Variants in ABCA13 observed in about 807,000 individuals in gnomAD.
The protein encoded by ABCA13 is ATP binding cassette subfamily A member 13.
ABCA13 carries 476 observed loss-of-function variants against 478.7 expected under a neutral mutation model. The observed-to-expected ratio is 0.99, with a 90% confidence interval of 0.92 to 1.07. The LOEUF is 1.07. ABCA13 is among the 50% of genes least tolerant of loss of function. The pLI is 0.00. For missense variants in ABCA13, 6,060 were observed against 5,910.6 expected, an observed-to-expected ratio of 1.03 and a Z score of -0.83; for synonymous variants, 2,252 against 2,158.9, an observed-to-expected ratio of 1.04 and a Z score of -1.20.
intron 3 of ABCA13, among the ~76,000 whole-genome samples, chr7:48,217,237 G>A (rs1786620583): frequency 6.6e-6 from 1 of 152,216 alleles, no homozygotes; most frequent in Admixed American, 6.5e-5. Flanking sequence ...AATGGGAGCA[G>A]TAATGTGAGT....
intron 42 of ABCA13, among the ~76,000 whole-genome samples, chr7:48,451,721 G>A (rs1475622360): frequency 2.0e-5 from 3 of 152,158 alleles, no homozygotes; most frequent in Non-Finnish European, 4.4e-5. Context: ...GATGAACTGG[G>A]TAGTGTGGAG....
intron 15 of ABCA13, among the ~76,000 whole-genome samples, chr7:48,263,037 G>T (rs779409356): frequency 3.3e-5 from 5 of 151,878 alleles, no homozygotes; most frequent in Non-Finnish European, 5.9e-5. Flanking sequence ...TCTTTTGCTT[G>T]TGTTGCATGT....
chr7:48,306,347 T>A (rs766273917), intron 23 of ABCA13, among the ~76,000 whole-genome samples: 2 of 152,194 alleles, frequency 1.3e-5, no homozygotes, highest in Non-Finnish European at 2.9e-5. Flanking sequence ...AGAAAGTAAT[T>A]AATACAAATG....
chr7:48,181,745 T>A (rs1192255064), intron 1 of ABCA13, among the ~76,000 whole-genome samples: 1 of 152,200 alleles, frequency 6.6e-6, no homozygotes, highest in African/African-American at 2.4e-5. Flanking sequence ...TTTAAAGCAC[T>A]GAAACATCAC....
At chr7:48,394,194 C>T (rs568241751) in intron 38 of ABCA13, among the ~76,000 whole-genome samples, 199 of 152,290 alleles carry the variant, frequency 1.3e-3, no homozygotes, top group African/African-American at 4.6e-3. Context: ...AATTTACATT[C>T]TTGTGCCTAT....
intron 43 of ABCA13, among the ~76,000 whole-genome samples, chr7:48,463,057 A>G (rs1209868883): frequency 3.3e-5 from 5 of 152,260 alleles, no homozygotes; most frequent in Admixed American, 2.0e-4. Context: ...TATTATCTTC[A>G]GGAAACCATT....
At chr7:48,470,697 A>G (rs182913990) in intron 44 of ABCA13, among the ~76,000 whole-genome samples, 17 of 152,288 alleles carry the variant, frequency 1.1e-4, no homozygotes, top group African/African-American at 4.1e-4. Flanking sequence ...GCTTTCTTCA[A>G]TTGGTGTTAT....
chr7:48,328,712 GA>G, intron 27 of ABCA13, among the ~76,000 whole-genome samples: 1 of 150,814 alleles, frequency 6.6e-6, no homozygotes, highest in South Asian at 2.1e-4. Context: ...AGAACATGAG[GA>G]AAAATTATAA....
chr7:48,379,178 C>A (rs913265133), intron 35 of ABCA13, among the ~76,000 whole-genome samples: 5 of 152,160 alleles, frequency 3.3e-5, no homozygotes, highest in African/African-American at 1.2e-4. Context: ...AATTCAGATT[C>A]TTTTATTTCA....
intron 57 of ABCA13, among the ~76,000 whole-genome samples, chr7:48,588,471 A>T (rs2178088): frequency 0.12 from 18,914 of 152,222 alleles, 1,306 homozygotes; most frequent in East Asian, 0.23. Context: ...AGACCCTGAC[A>T]TGCTTTTCTT....
At chr7:48,304,770 T>C (rs1210212510) in intron 23 of ABCA13, among the ~76,000 whole-genome samples, 2 of 152,036 alleles carry the variant, frequency 1.3e-5, no homozygotes, top group Non-Finnish European at 2.9e-5. Context: ...AAACCTAAAA[T>C]AAAATTTGAG....
At chr7:48,399,557 T>C (rs1433533452) in intron 38 of ABCA13, among the ~76,000 whole-genome samples, 1 of 152,184 alleles carries the variant, frequency 6.6e-6, no homozygotes, top group Admixed American at 6.5e-5. Flanking sequence ...AAGATGTGTT[T>C]GTTAGAAATT....
rs775175664 is a variant in ABCA13 at position 48,241,063 on chromosome 7, AG to A, written c.1260del (p.Ile421TyrfsTer21). The A allele has an allele frequency of 6.2e-7, 1 of 1,613,992 alleles. No individual in the cohort carries two copies. The highest frequency in any genetic ancestry group is 1.7e-5 in the Admixed American group (1 of 60,032). ...CCAAAAGATAATCATACATTTCCAAAGATGTAAGTCGCATTTCCCTGTTTGA... is the reference window on the plus strand; with the variant it reads ...CCAAAAGATAATCATACATTTCCAAAATGTAAGTCGCATTTCCCTGTTTGA... ...DGPKDNHTFP[K>X]ILQHLWKLQS... On this transcript the variant is annotated frameshift_variant and splice_region_variant, in exon 10 of 62. Coordinates refer to ENST00000435803, the MANE Select transcript of ABCA13 (RefSeq NM_152701.5). LOFTEE classifies it high-confidence loss of function.
chr7:48,509,603 AG>A (rs894227077), intron 50 of ABCA13, among the ~76,000 whole-genome samples: 2 of 152,124 alleles, frequency 1.3e-5, no homozygotes, highest in Non-Finnish European at 2.9e-5. Flanking sequence ...AAGGACAGGA[AG>A]GGTTTCTTGC....
chr7:48,323,988 C>A (rs943200834), intron 27 of ABCA13, among the ~76,000 whole-genome samples: 1 of 152,190 alleles, frequency 6.6e-6, no homozygotes, highest in Non-Finnish European at 1.5e-5. Flanking sequence ...GATTATGAGG[C>A]CTCCCTAGCC....
intron 57 of ABCA13, among the ~76,000 whole-genome samples, chr7:48,591,896 G>A (rs1789787578): frequency 6.6e-6 from 1 of 151,860 alleles, no homozygotes; most frequent in Admixed American, 6.6e-5. Flanking sequence ...CTGTATGTTA[G>A]ATCATGCTTT....
intron 29 of ABCA13, among the ~76,000 whole-genome samples, chr7:48,345,694 T>C (rs1807970180): frequency 6.6e-6 from 1 of 152,216 alleles, no homozygotes; most frequent in African/African-American, 2.4e-5. Context: ...TATAAAGTTA[T>C]AGTAATCTAA....
At chr7:48,523,070 C>G (rs1832664379) in intron 53 of ABCA13, among the ~76,000 whole-genome samples, 1 of 152,212 alleles carries the variant, frequency 6.6e-6, no homozygotes, top group African/African-American at 2.4e-5. Flanking sequence ...CACTAATAAA[C>G]TGAATACTGC....
chr7:48,355,441 T>TTGCA (rs1170270719), intron 31 of ABCA13, among the ~76,000 whole-genome samples: 7 of 151,944 alleles, frequency 4.6e-5, no homozygotes, highest in Admixed American at 3.9e-4. Flanking sequence ...TGATTGTAGA[T>TTGCA]TGCATGGTTG....
Sources: allele counts gnomAD v4.1 joint callset (sites outside exome capture counted in the v4.1 genomes callset), GRCh38; gene constraint gnomAD v4.1.1; transcripts MANE v1.5; gene names NCBI Gene and HGNC (gene_info 2026-07-23, HGNC 2026-07-21).